Variants in C2orf76 observed in about 807,000 individuals in gnomAD.
C2orf76 encodes the protein UPF0538 protein C2orf76.
Under a neutral mutation model 16.9 loss-of-function variants are expected in C2orf76, and 23 were observed. The observed-to-expected ratio is 1.36, with a 90% CI of 0.98 to 1.93. C2orf76 has a LOEUF of 1.93. C2orf76 is among the 30% of genes most tolerant of loss of function. The pLI is 0.00. For missense variants in C2orf76, 152 were observed against 152.6 expected, an observed-to-expected ratio of 1.00 and a Z score of 0.02; for synonymous variants, 48 against 52.3, an observed-to-expected ratio of 0.92 and a Z score of 0.35.
intron 5 of C2orf76, chr2:119,311,105 A>G: frequency 4.3e-6 from 4 of 940,960 alleles, no homozygotes; most frequent in Non-Finnish European, 5.1e-6. Context: ...GAATAAAACC[A>G]CATGCACATT....
intron 1 of C2orf76, among the ~76,000 whole-genome samples, chr2:119,352,663 G>A (rs1680441213): frequency 6.6e-6 from 1 of 152,182 alleles, no homozygotes; most frequent in Non-Finnish European, 1.5e-5. Flanking sequence ...GCTGGTTAGA[G>A]CTCTCTGAAC....
chr2:119,310,432 GT>G (rs1678945534), intron 5 of C2orf76, among the ~76,000 whole-genome samples: 1 of 152,116 alleles, frequency 6.6e-6, no homozygotes, highest in African/African-American at 2.4e-5. Flanking sequence ...TCACAACATG[GT>G]ATTTAAGATC....
At chr2:119,341,274 G>A (rs1406844419) in intron 1 of C2orf76, among the ~76,000 whole-genome samples, 1 of 152,104 alleles carries the variant, frequency 6.6e-6, no homozygotes, top group Non-Finnish European at 1.5e-5. Context: ...CTCCGGAAGT[G>A]CTAGAATTAT....
At position 119,311,635 on chromosome 2, in the gene C2orf76, T is replaced by C; in HGVS notation, c.291A>G (p.Lys97=). The part of the protein sequence containing the change: ...RLLLKEDSTL[K]AAGIASETEI... ...CCCCTTCCTCACCGATTCCAGCTGC[T>C]TTCAGAGTGCTGTCTTCTTTCAGCA... is the stretch of plus-strand genomic sequence containing the variant. The change falls in exon 5 of 6, where the codon AAA becomes AAG. Residue 97 remains lysine, a synonymous_variant. Coordinates refer to ENST00000334816, the MANE Select transcript of C2orf76 (RefSeq NM_001322331.2). 6.2e-7 allele frequency: 1 copy of C among 1,613,622 alleles called. No homozygotes were observed. Among genetic ancestry groups the C allele is most frequent in the Non-Finnish European group, 8.5e-7 (1 of 1,179,934 alleles).
At chr2:119,366,407 T>A (rs1010624025) in intron 1 of C2orf76, 1 of 471,438 alleles carries the variant, frequency 2.1e-6, no homozygotes, top group Admixed American at 2.3e-5. Flanking sequence ...GGCCTGACAC[T>A]ACGGCCACAA....
At chr2:119,348,060 A>G (rs554481005) in intron 1 of C2orf76, among the ~76,000 whole-genome samples, 1 of 152,026 alleles carries the variant, frequency 6.6e-6, no homozygotes, top group East Asian at 1.9e-4. Context: ...AAAAAAAAAA[A>G]AAAAAAAAAA....
At chr2:119,284,403 T>C in the C2orf76 span, among the ~76,000 whole-genome samples, 47,228 of 151,978 alleles carry the variant, frequency 0.31, 7,831 homozygotes, top group Non-Finnish European at 0.38. Flanking sequence ...GTAGGGCTTA[T>C]TGAGGGCAGA....
At chr2:119,303,021 T>A (rs1178129440) in intron 5 of C2orf76, among the ~76,000 whole-genome samples, 1 of 152,164 alleles carries the variant, frequency 6.6e-6, no homozygotes, top group East Asian at 1.9e-4. Context: ...ATTTTACAGA[T>A]CACTTTACAT....
intron 2 of C2orf76, among the ~76,000 whole-genome samples, chr2:119,329,022 C>T (rs551410508): frequency 7.2e-4 from 110 of 152,238 alleles, no homozygotes; most frequent in African/African-American, 2.6e-3. Flanking sequence ...TATTCATAAA[C>T]GCTCCATGTG....
At chr2:119,357,604 A>G (rs561800245) in intron 1 of C2orf76, among the ~76,000 whole-genome samples, 1 of 151,988 alleles carries the variant, frequency 6.6e-6, no homozygotes, top group East Asian at 1.9e-4. Flanking sequence ...AACCAAAAAA[A>G]AAAAAAAACT....
chr2:119,362,302 A>C (rs1222583422), intron 1 of C2orf76, among the ~76,000 whole-genome samples: 1 of 152,202 alleles, frequency 6.6e-6, no homozygotes, highest in Non-Finnish European at 1.5e-5. Context: ...TTAATAGTTA[A>C]GTTTTAGGGT....
chr2:119,301,076 A>AACACACACACACACACAC (rs57577702), downstream of C2orf76, among the ~76,000 whole-genome samples: 33 of 146,240 alleles, frequency 2.3e-4, no homozygotes, highest in African/African-American at 7.5e-4. Flanking sequence ...ACTTCTTAAA[A>AACACACACACACACACAC]ACACACACAC....
intron 2 of C2orf76, among the ~76,000 whole-genome samples, chr2:119,332,157 G>A (rs1392979573): frequency 6.6e-6 from 1 of 152,012 alleles, no homozygotes; most frequent in Non-Finnish European, 1.5e-5. Flanking sequence ...GAAATATCAA[G>A]AGGCAATAAA....
At chr2:119,335,231 A>G (rs1679810328) in intron 2 of C2orf76, among the ~76,000 whole-genome samples, 1 of 152,212 alleles carries the variant, frequency 6.6e-6, no homozygotes. Flanking sequence ...GTTTAAAATA[A>G]CACTCCTTGG....
chr2:119,331,162 T>C (rs1015126171), intron 2 of C2orf76, among the ~76,000 whole-genome samples: 6 of 152,222 alleles, frequency 3.9e-5, no homozygotes, highest in Non-Finnish European at 8.8e-5. Flanking sequence ...TAAGCTTTCT[T>C]GAGCTTTCTT....
chr2:119,364,039 G>GAGACAGAC (rs57921997), intron 1 of C2orf76, among the ~76,000 whole-genome samples: 22 of 147,678 alleles, frequency 1.5e-4, no homozygotes, highest in African/African-American at 4.5e-4. Flanking sequence ...GAGAGAGAGA[G>GAGACAGAC]AGACAGACAG....
rs375018782 is a variant in C2orf76 at position 119,356,934 on chromosome 2, C to T, written c.-13+9856G>A. ...ATTTCTTAAAAAACTAAAACTACCA[C>T]CACTCACCAATATGAAATAAACAAT... On this transcript the variant is annotated intron_variant, in intron 1 of 5. Coordinates refer to ENST00000334816, the MANE Select transcript of C2orf76 (RefSeq NM_001322331.2). 2.0e-5 allele frequency among the ~76,000 whole-genome samples: 3 copies of T among 152,168 alleles called. No individual in the cohort carries two copies. In the East Asian group the frequency reaches 5.8e-4, roughly 29 times the overall value.
chr2:119,312,691 T>C (rs1679034690), intron 4 of C2orf76, among the ~76,000 whole-genome samples: 1 of 152,146 alleles, frequency 6.6e-6, no homozygotes, highest in African/African-American at 2.4e-5. Context: ...TCTCCAGTGA[T>C]ATTTACAAAT....
At chr2:119,349,524 C>T (rs530739669) in intron 1 of C2orf76, among the ~76,000 whole-genome samples, 6 of 152,196 alleles carry the variant, frequency 3.9e-5, no homozygotes, top group Non-Finnish European at 8.8e-5. Context: ...TATACGTCAA[C>T]ATCAAAATCT....
Sources: allele counts gnomAD v4.1 joint callset (sites outside exome capture counted in the v4.1 genomes callset), GRCh38; gene constraint gnomAD v4.1.1; transcripts MANE v1.5; gene names NCBI Gene and HGNC (gene_info 2026-07-23, HGNC 2026-07-21).